Variants in FBXO33 observed in about 807,000 individuals in gnomAD.
FBXO33 encodes F-box protein 33.
Under a neutral mutation model 46.3 loss-of-function variants are expected in FBXO33, and 22 were observed. The observed-to-expected ratio is 0.48, with a 90% CI of 0.34 to 0.68. FBXO33 has a LOEUF of 0.68. Ranked by LOEUF, FBXO33 falls within the 30% of genes least tolerant of loss-of-function variation. FBXO33 has a pLI of 0.01. For synonymous variants in FBXO33, 337 were observed against 291.3 expected (o/e 1.16, Z -1.60); for missense variants, 692 against 708.8 (o/e 0.98, Z 0.27).
intron 1 of FBXO33, among the ~76,000 whole-genome samples, chr14:39,413,509 T>C (rs1251456789): frequency 1.3e-5 from 2 of 152,268 alleles, no homozygotes; most frequent in East Asian, 3.8e-4. Context: ...GAATCATGAA[T>C]GTTCTGAATG....
chr14:39,412,593 G>GT (rs906437704), intron 1 of FBXO33, among the ~76,000 whole-genome samples: 8 of 150,572 alleles, frequency 5.3e-5, no homozygotes, highest in African/African-American at 1.7e-4. Context: ...TTTGTTCGTA[G>GT]TTTTTTTCAT....
At chr14:39,403,076 CAAT>C (rs1484472548) in intron 1 of FBXO33, among the ~76,000 whole-genome samples, 1 of 152,090 alleles carries the variant, frequency 6.6e-6, no homozygotes, top group Non-Finnish European at 1.5e-5. Flanking sequence ...ATAAATGACA[CAAT>C]GATATATGAC....
chr14:39,425,589 G>T (rs1013623803), intron 1 of FBXO33, among the ~76,000 whole-genome samples: 1 of 152,060 alleles, frequency 6.6e-6, no homozygotes. Context: ...ATTCTTCTTA[G>T]TCCACTTTCA....
At chr14:39,421,780 T>TCACACACACA (rs10582893) in intron 1 of FBXO33, among the ~76,000 whole-genome samples, 12 of 149,176 alleles carry the variant, frequency 8.0e-5, no homozygotes, top group South Asian at 6.5e-4. Flanking sequence ...TGAGTACAAA[T>TCACACACACA]CACACACACA....
At chr14:39,408,269 A>G (rs2075407777) in intron 1 of FBXO33, among the ~76,000 whole-genome samples, 1 of 152,072 alleles carries the variant, frequency 6.6e-6, no homozygotes, top group Non-Finnish European at 1.5e-5. Context: ...GATAATAGAC[A>G]TGCTAAGATG....
intron 1 of FBXO33, among the ~76,000 whole-genome samples, chr14:39,404,862 G>T (rs1045388476): frequency 6.6e-6 from 1 of 151,818 alleles, no homozygotes; most frequent in Admixed American, 6.6e-5. Flanking sequence ...TTTAAGAAAA[G>T]AATAGGCTGG....
intron 1 of FBXO33, among the ~76,000 whole-genome samples, chr14:39,417,784 C>T (rs545482862): frequency 6.6e-6 from 1 of 152,292 alleles, no homozygotes; most frequent in South Asian, 2.1e-4. Flanking sequence ...TCGCCTCGGC[C>T]TCCCAAAGTG....
chr14:39,402,367 G>T, intron 2 of FBXO33, 34 bp downstream of exon 2: 1 of 1,202,900 alleles, frequency 8.3e-7, no homozygotes, highest in Non-Finnish European at 1.2e-6. Context: ...ATTATTAATA[G>T]TACAACCTCC....
chr14:39,415,666 G>C (rs1215887928), intron 1 of FBXO33, among the ~76,000 whole-genome samples: 1 of 152,070 alleles, frequency 6.6e-6, no homozygotes, highest in Non-Finnish European at 1.5e-5. Context: ...TCTTCATGCT[G>C]TTGGCTTTTT....
intron 1 of FBXO33, among the ~76,000 whole-genome samples, chr14:39,404,171 T>C (rs996017369): frequency 2.0e-5 from 3 of 152,146 alleles, no homozygotes; most frequent in East Asian, 1.9e-4. Flanking sequence ...TAACCAACAA[T>C]TCCCTGAGGG....
At chr14:39,406,542 C>T (rs916683493) in intron 1 of FBXO33, among the ~76,000 whole-genome samples, 2 of 152,094 alleles carry the variant, frequency 1.3e-5, no homozygotes, top group African/African-American at 2.4e-5. Flanking sequence ...AAATTGCCTC[C>T]GATTATGGTC....
At position 39,399,558 on chromosome 14, in the gene FBXO33, A is replaced by C. The variant is rs754348596; in HGVS notation, c.1626T>G (p.Arg542=). 4.3e-6 allele frequency: 7 copies of C among 1,612,700 alleles called. No homozygotes were observed. Among genetic ancestry groups the C allele is most frequent in the Non-Finnish European group, 5.1e-6 (6 of 1,179,360 alleles). Residue 542 remains arginine (R), a synonymous_variant, in exon 4 of 4, where the codon CGT becomes CGG. Transcript: ENST00000298097. ...ESLSVFTEPN[R]HFYREMQSFS... ...AGCTTTGCATCTCTCTGTAAAAATGACGATTTGGTTCAGTGAAGACACTGA... is the reference window on the plus strand; with the variant it reads ...AGCTTTGCATCTCTCTGTAAAAATGCCGATTTGGTTCAGTGAAGACACTGA...
intron 1 of FBXO33, among the ~76,000 whole-genome samples, chr14:39,408,863 T>A (rs2075410274): frequency 6.6e-6 from 1 of 151,796 alleles, no homozygotes; most frequent in Non-Finnish European, 1.5e-5. Flanking sequence ...GTAGCCTTGA[T>A]CTCCTGGGCT....
intron 1 of FBXO33, among the ~76,000 whole-genome samples, chr14:39,420,430 C>A (rs1023080637): frequency 6.6e-6 from 1 of 152,174 alleles, no homozygotes; most frequent in Non-Finnish European, 1.5e-5. Context: ...GTGGCTCACG[C>A]CTGTAATCTC....
chr14:39,424,944 T>C (rs1420183746), intron 1 of FBXO33, among the ~76,000 whole-genome samples: 1 of 151,824 alleles, frequency 6.6e-6, no homozygotes, highest in Middle Eastern at 3.2e-3. Flanking sequence ...CCCAGCTACT[T>C]GGGAGGCTGA....
In FBXO33 at chr14:39,398,996, A is replaced by C. The variant is rs1033792015; in HGVS notation, c.*520T>G. The C allele has an allele frequency of 6.6e-6, 1 of 152,498 alleles. No homozygotes were observed. The highest frequency in any genetic ancestry group is 1.5e-5 in the Non-Finnish European group (1 of 68,072). The allele number at this position is 152,498 out of a possible 1,614,324, so 9.4% of individuals were successfully genotyped here. A position where few individuals can be genotyped will look rare whatever the true frequency, so the allele number is the denominator to read the frequency against. On this transcript the variant is annotated 3_prime_UTR_variant, in exon 4 of 4. Coordinates refer to ENST00000298097, the MANE Select transcript of FBXO33 (RefSeq NM_203301.4). ...GGTGATATCAACTATTAGATATGTA[A>C]TGAAAGTTAAAGTCTTGGCTTTTCT...
chr14:39,398,481 T>C lies in FBXO33; in HGVS notation c.*1035A>G, dbSNP rs2075353944. On this transcript the variant is annotated 3_prime_UTR_variant, in exon 4 of 4. Transcript: ENST00000298097. ...TTTTTTTTTCTTTTTTTTTTTTTTT[T>C]GTTTTGTTTTTTCAGAGTTCTGAGG... 6.7e-6 allele frequency: 1 copy of C among 148,460 alleles called. No individual in the cohort carries two copies. The highest frequency in any genetic ancestry group is 6.6e-5 in the Admixed American group (1 of 15,040). The allele number at this position is 148,460 out of a possible 1,614,324, so 9.2% of individuals were successfully genotyped here.
At chr14:39,410,342 G>A (rs1231401255) in intron 1 of FBXO33, among the ~76,000 whole-genome samples, 2 of 152,176 alleles carry the variant, frequency 1.3e-5, no homozygotes, top group African/African-American at 4.8e-5. Context: ...TATATTTATT[G>A]ATGTGCATAT....
Position 39,399,425 on chromosome 14 carries a change from G to T in FBXO33, c.*91C>A. 1.8e-6 allele frequency: 2 copies of T among 1,130,378 alleles called. No individual in the cohort carries two copies. The highest frequency in any genetic ancestry group is 2.5e-6 in the Non-Finnish European group (2 of 801,334). 70.0% of individuals were successfully genotyped at this position (1,130,378 alleles called of 1,614,324 possible). ...ATAAAGCTAATACTGATTAAACACA[G>T]CACAAAAGGATTAATTCACACTACT... On this transcript the variant is annotated 3_prime_UTR_variant, in exon 4 of 4. Coordinates refer to ENST00000298097, the MANE Select transcript of FBXO33 (RefSeq NM_203301.4).
Sources: allele counts gnomAD v4.1 joint callset (sites outside exome capture counted in the v4.1 genomes callset), GRCh38; gene constraint gnomAD v4.1.1; transcripts MANE v1.5; gene names NCBI Gene and HGNC (gene_info 2026-07-23, HGNC 2026-07-21).